SEMA5A: variants seen among roughly 807,000 people sequenced by gnomAD.
SEMA5A encodes semaphorin-5A.
In SEMA5A, 55 loss-of-function variants were observed where a neutral mutation model predicts 135.5. The ratio of observed to expected loss-of-function variants is 0.41; its 90% CI spans 0.33 to 0.51. The LOEUF is 0.51. Among genes scored for constraint, SEMA5A ranks in the 20% least tolerant of loss-of-function variants. The pLI is 0.37. For missense variants in SEMA5A, 1,290 were observed against 1,419.9 expected (o/e 0.91, Z 1.47); for synonymous variants, 580 against 546.5 (o/e 1.06, Z -0.85).
At chr5:9,535,641 G>A (rs1737720851) in intron 1 of SEMA5A, among the ~76,000 whole-genome samples, 1 of 152,152 alleles carries the variant, frequency 6.6e-6, no homozygotes, top group Admixed American at 6.5e-5. Flanking sequence ...CCTGGGTTGG[G>A]TTCAGGTCTT....
At chr5:9,289,721 T>A (rs933231234) in intron 5 of SEMA5A, among the ~76,000 whole-genome samples, 1 of 152,130 alleles carries the variant, frequency 6.6e-6, no homozygotes, top group Non-Finnish European at 1.5e-5. Flanking sequence ...AATTTTGATA[T>A]ACTACTTTTT....
At chr5:9,541,798 A>G (rs529086693) in intron 1 of SEMA5A, among the ~76,000 whole-genome samples, 13 of 152,360 alleles carry the variant, frequency 8.5e-5, no homozygotes, top group African/African-American at 3.1e-4. Context: ...GCACAAGGTG[A>G]AATATGACTT....
chr5:9,057,127 A>G (rs1424013436), intron 18 of SEMA5A, among the ~76,000 whole-genome samples: 3 of 152,182 alleles, frequency 2.0e-5, no homozygotes, highest in South Asian at 4.1e-4. Flanking sequence ...ACTGGGGGAG[A>G]GGGAAGTGGG....
chr5:9,221,516 A>G (rs4702614), intron 8 of SEMA5A, among the ~76,000 whole-genome samples: 66,119 of 150,636 alleles, frequency 0.44, 14,578 homozygotes, highest in Middle Eastern at 0.52. Context: ...GTTAGCCAGG[A>G]TGGTCTCGAT....
At position 9,432,987 on chromosome 5, in the gene SEMA5A, A is replaced by T. The variant is rs145231537; in HGVS notation, c.-78+4769T>A. On this transcript the variant is annotated intron_variant, in intron 2 of 22. Transcript: ENST00000382496. Reference sequence around the variant, plus strand: ...AAAATAGAAAGTTCCCTTCTCCCTAACGAAGAATGAATAAAAGAATGAGAA... The same window carrying T: ...AAAATAGAAAGTTCCCTTCTCCCTATCGAAGAATGAATAAAAGAATGAGAA... 4.6e-5 allele frequency among the ~76,000 whole-genome samples: 7 copies of T among 152,318 alleles called. 1 individual carries two copies. In the East Asian group the frequency reaches 9.7e-4, roughly 21 times the overall value.
chr5:9,295,325 G>A (rs1348094298), intron 5 of SEMA5A, among the ~76,000 whole-genome samples: 1 of 152,188 alleles, frequency 6.6e-6, no homozygotes, highest in Non-Finnish European at 1.5e-5. Flanking sequence ...CTTTTGTAAT[G>A]CTGATGCTAT....
intron 4 of SEMA5A, among the ~76,000 whole-genome samples, chr5:9,330,008 T>C (rs1753048900): frequency 1.3e-5 from 2 of 152,192 alleles, no homozygotes; most frequent in African/African-American, 4.8e-5. Flanking sequence ...TTTCCAAATA[T>C]TTTAGGCTTG....
At position 9,353,260 on chromosome 5, in the gene SEMA5A, G is replaced by C. The variant is rs866805366; in HGVS notation, c.125-15448C>G. ...GGAAGGAAAGGGAAGGGAAGGGAAG[G>C]GAAGCAAAGGAAAGGAAAGGAAAGG... On this transcript the variant is annotated intron_variant, in intron 3 of 22. Transcript: ENST00000382496. Among the ~76,000 whole-genome samples the C allele has an allele frequency of 3.4e-3, 475 of 137,900 alleles. 24 individuals carry two copies. The highest frequency in any genetic ancestry group is 0.014 in the African/African-American group (439 of 32,030). The allele number at this position is 137,900 out of a possible 152,430, so 90.5% of individuals were successfully genotyped here.
At chr5:9,363,464 T>C (rs1754787846) in intron 3 of SEMA5A, 1 of 152,136 alleles carries the variant, frequency 6.6e-6, no homozygotes, top group Admixed American at 6.5e-5. Context: ...TAGGAATGGG[T>C]CAAAAGCAAA....
Position 9,224,808 on chromosome 5 carries a change from G to T in SEMA5A, c.512C>A (p.Ala171Glu). 1 of 1,614,090 alleles carries T rather than the reference G, an allele frequency of 6.2e-7. No homozygotes were observed. Among genetic ancestry groups the T allele is most frequent in the Non-Finnish European group, 8.5e-7 (1 of 1,179,982 alleles). The change falls in exon 8 of 23, where the codon GCG (alanine) becomes GAG (glutamate). Residue 171 changes from alanine (A) to glutamate (E), a missense_variant. Physicochemically the swap from Ala to Glu is moderately radical, Grantham distance 107 (BLOSUM62 -1). Coordinates refer to ENST00000382496, the MANE Select transcript of SEMA5A (RefSeq NM_003966.3). ...CPYSPQHNST[A>E]LLTAGGELYA... ...GAGCTCCCCACCAGCTGTGAGGAGC[G>T]CTGTGGAATTGTGCTGGGGACTGTA...
chr5:9,168,180 G>A (rs1459743697), intron 11 of SEMA5A, among the ~76,000 whole-genome samples: 3 of 152,068 alleles, frequency 2.0e-5, no homozygotes, highest in Admixed American at 2.0e-4. Flanking sequence ...ACAGCAGAGT[G>A]GTTCCCAAGC....
rs3063993 is a variant in SEMA5A, at chr5:9,049,151, A to ATTATTTATTTAT, written c.2893+1247_2893+1258dup. ...AATGTCACAGATAGTGAGCTCTTCT[A>ATTATTTATTTAT]TTATTTATTTATTTATTTATTTATT... is the stretch of plus-strand genomic sequence containing the variant. On this transcript the variant is annotated intron_variant, in intron 21 of 22. Transcript: ENST00000382496. Among the ~76,000 whole-genome samples, 763 of 149,278 alleles carry ATTATTTATTTAT rather than the reference A, an allele frequency of 5.1e-3. 5 individuals are homozygous for ATTATTTATTTAT. Among genetic ancestry groups the ATTATTTATTTAT allele is most frequent in the East Asian group, 0.018 (89 of 5,032 alleles).
In SEMA5A at chr5:9,072,275, G is replaced by C. The variant is rs149222298; in HGVS notation, c.2074-5629C>G. Among the ~76,000 whole-genome samples, 357 of 152,296 alleles carry C rather than the reference G, an allele frequency of 2.3e-3. 1 individual carries two copies. The highest frequency in any genetic ancestry group is 0.01 in the Middle Eastern group (3 of 294). Reference sequence around the variant, plus strand: ...GCCTTGAGAAGGTTCCCAGGCCACAGCATGGGGAGCAGAAACCCAGGCACA... The same window carrying C: ...GCCTTGAGAAGGTTCCCAGGCCACACCATGGGGAGCAGAAACCCAGGCACA... On this transcript the variant is annotated intron_variant, in intron 16 of 22. Coordinates refer to ENST00000382496, the MANE Select transcript of SEMA5A (RefSeq NM_003966.3).
chr5:9,169,406 A>T (rs1743789740), intron 11 of SEMA5A, among the ~76,000 whole-genome samples: 1 of 152,164 alleles, frequency 6.6e-6, no homozygotes, highest in South Asian at 2.1e-4. Flanking sequence ...CTTATTAGTC[A>T]TGGAGTAATA....
At chr5:9,201,654 C>T (rs1434729119) in intron 9 of SEMA5A, among the ~76,000 whole-genome samples, 1 of 151,962 alleles carries the variant, frequency 6.6e-6, no homozygotes, top group Non-Finnish European at 1.5e-5. Flanking sequence ...CAAAAAGTGC[C>T]CAGAACACAA....
chr5:9,325,459 G>T (rs369912134), intron 4 of SEMA5A, among the ~76,000 whole-genome samples: 1 of 152,030 alleles, frequency 6.6e-6, no homozygotes, highest in Admixed American at 6.6e-5. Flanking sequence ...CGTTTTCTAC[G>T]TCTTCACCAA....
intron 13 of SEMA5A, among the ~76,000 whole-genome samples, chr5:9,130,106 G>A (rs1741325164): frequency 6.6e-6 from 1 of 152,090 alleles, no homozygotes; most frequent in African/African-American, 2.4e-5. Flanking sequence ...ATTCAATTTT[G>A]TTACCAAGCA....
chr5:9,353,183 AGGG>A, intron 3 of SEMA5A, among the ~76,000 whole-genome samples: 4 of 81,734 alleles, frequency 4.9e-5, no homozygotes, highest in African/African-American at 1.7e-4. Flanking sequence ...AGGGAAAGGA[AGGG>A]AAGGGAAAGG....
At chr5:9,265,958 ACATTC>A (rs1749664476) in intron 5 of SEMA5A, among the ~76,000 whole-genome samples, 1 of 152,348 alleles carries the variant, frequency 6.6e-6, no homozygotes. Context: ...CTACATTTCA[ACATTC>A]CTTGCCCCAC....
Sources: gnomAD v4.1 joint callset for allele counts (sites outside exome capture counted in the v4.1 genomes callset) on GRCh38, gnomAD v4.1.1 for gene constraint, MANE v1.5 for transcripts, NCBI Gene and HGNC (gene_info 2026-07-23, HGNC 2026-07-21) for gene names.